Variants in SIAH2 observed in about 807,000 individuals in gnomAD.
SIAH2 encodes the protein siah E3 ubiquitin protein ligase 2, also known as E3 ubiquitin-protein ligase SIAH2.
Under a neutral mutation model 20.4 loss-of-function variants are expected in SIAH2, and 4 were observed. The observed-to-expected ratio is 0.20, with a 90% CI of 0.10 to 0.45. The LOEUF (loss-of-function observed/expected upper bound fraction) is 0.45. SIAH2 is among the 20% of genes least tolerant of loss of function. The pLI, the probability that SIAH2 is intolerant of heterozygous loss-of-function variation, is 0.99. For synonymous variants in SIAH2, 171 were observed against 192.5 expected (o/e 0.89, Z 0.93); for missense variants, 259 against 440.3 (o/e 0.59, Z 3.69).
Position 150,742,716 on chromosome 3 carries a change from C to T in SIAH2, c.418-18G>A. ...GTGGCATACTGCAAAGAAAGAAATG[C>T]ATTGAGCCATTGGGCCTTCTCAAAA... On this transcript the variant is annotated intron_variant, in intron 1 of 1. Coordinates refer to ENST00000312960, the MANE Select transcript of SIAH2 (RefSeq NM_005067.7). This position sits in a 1 kb window ranked among gnomAD's most constrained non-coding sequence, Gnocchi z 4.8. 1 of 1,518,074 alleles carries T rather than the reference C, an allele frequency of 6.6e-7. No individual in the cohort carries two copies. The highest frequency in any genetic ancestry group is 8.8e-7 in the Non-Finnish European group (1 of 1,133,562). 94.0% of individuals were successfully genotyped at this position (1,518,074 alleles called of 1,614,324 possible).
At chr3:150,752,701 GTTAT>G (rs1322219908) in intron 1 of SIAH2, among the ~76,000 whole-genome samples, 1 of 152,176 alleles carries the variant, frequency 6.6e-6, no homozygotes, top group Non-Finnish European at 1.5e-5. Context: ...GGCCCCGCAA[GTTAT>G]TTGTTGTTTA....
In SIAH2 at chr3:150,741,171, AAAAC is replaced by A. The variant is rs1714078268; in HGVS notation, c.*966_*969del. The A allele has an allele frequency of 6.6e-6, 1 of 152,666 alleles. No homozygotes were observed. Among genetic ancestry groups the A allele is most frequent in the Non-Finnish European group, 1.5e-5 (1 of 68,044 alleles). The allele number at this position is 152,666 out of a possible 1,614,324, so 9.5% of individuals were successfully genotyped here. Reference sequence around the variant, plus strand: ...TTAAAAAACTAGTGAATGTGGCAGAAAAACAAAACCAACACACAGCTTTAAATAG... The same window carrying A: ...TTAAAAAACTAGTGAATGTGGCAGAAAAAACCAACACACAGCTTTAAATAG... On this transcript the variant is annotated 3_prime_UTR_variant, in exon 2 of 2. Coordinates refer to ENST00000312960, the MANE Select transcript of SIAH2 (RefSeq NM_005067.7).
At chr3:150,761,201 G>A (rs1050204024) in intron 1 of SIAH2, among the ~76,000 whole-genome samples, 3 of 152,170 alleles carry the variant, frequency 2.0e-5, no homozygotes, top group South Asian at 2.1e-4. Context: ...AAGAGGCAGC[G>A]CAAGTTACTT....
At chr3:150,751,415 C>A (rs542447015) in intron 1 of SIAH2, among the ~76,000 whole-genome samples, 30 of 146,646 alleles carry the variant, frequency 2.0e-4, no homozygotes, top group African/African-American at 7.9e-4. Flanking sequence ...CAGAGAGAGA[C>A]TCTGTCTCTT....
chr3:150,751,444 A>C lies in SIAH2; in HGVS notation c.418-8746T>G, dbSNP rs1026352978. ...GTCTCTTAAGAAAAAAAAAAGAGAG[A>C]GATATCATCAACCAATAGTGCAGTA... On this transcript the variant is annotated intron_variant, in intron 1 of 1. Coordinates refer to ENST00000312960, the MANE Select transcript of SIAH2 (RefSeq NM_005067.7). 2.0e-5 allele frequency among the ~76,000 whole-genome samples: 3 copies of C among 151,868 alleles called. 1 individual carries two copies. In the South Asian group the frequency reaches 6.2e-4, roughly 32 times the overall value.
chr3:150,748,054 C>A (rs1410258758), intron 1 of SIAH2, among the ~76,000 whole-genome samples: 1 of 151,568 alleles, frequency 6.6e-6, no homozygotes, highest in Non-Finnish European at 1.5e-5. Context: ...TTTCTAACTT[C>A]TCTTTACAAA....
chr3:150,742,679 G>T lies in SIAH2; in HGVS notation c.437C>A (p.Ser146Tyr). Reference protein sequence around the residue: ...FPCKYATTGCSLTLHHTEKPE... With the variant: ...FPCKYATTGCYLTLHHTEKPE... ...TTTCTCCGTATGGTGCAGGGTCAGG[G>T]AACAGCCCGTGGTGGCATACTGCAA... The change falls in exon 2 of 2, where the codon TCC (serine) becomes TAC (tyrosine). Residue 146 changes from serine to tyrosine, a missense_variant. Physicochemically the swap from Ser to Tyr is moderately radical, Grantham distance 144. Around this residue, in one of 2 missense-constraint regions of SIAH2, gnomAD observed 160 missense variants for 327.6 expected, o/e 0.49. Coordinates refer to ENST00000312960, the MANE Select transcript of SIAH2 (RefSeq NM_005067.7). This position sits in a 1 kb window ranked among gnomAD's most constrained non-coding sequence, Gnocchi z 4.8. 6.5e-7 allele frequency: 1 copy of T among 1,539,746 alleles called. No homozygotes were observed. The highest frequency in any genetic ancestry group is 8.8e-7 in the Non-Finnish European group (1 of 1,142,780).
chr3:150,759,945 T>C (rs1714568135), intron 1 of SIAH2, among the ~76,000 whole-genome samples: 1 of 152,120 alleles, frequency 6.6e-6, no homozygotes, highest in Admixed American at 6.5e-5. Flanking sequence ...CGTTGGTTTT[T>C]TTCACATGAG....
At chr3:150,745,654 C>T (rs1714196272) in intron 1 of SIAH2, among the ~76,000 whole-genome samples, 1 of 152,104 alleles carries the variant, frequency 6.6e-6, no homozygotes, top group Non-Finnish European at 1.5e-5. Context: ...TGCCACCACA[C>T]CCAGCTAATT....
intron 1 of SIAH2, among the ~76,000 whole-genome samples, chr3:150,751,789 C>T (rs1055920587): frequency 1.3e-5 from 2 of 152,122 alleles, no homozygotes; most frequent in African/African-American, 2.4e-5. Flanking sequence ...AAACTCCTAG[C>T]CTCACGTGAT....
intron 1 of SIAH2, among the ~76,000 whole-genome samples, chr3:150,754,458 C>G (rs993039260): frequency 1.3e-5 from 2 of 152,176 alleles, no homozygotes; most frequent in Non-Finnish European, 2.9e-5. Flanking sequence ...AAATCCACCC[C>G]CAAGATCCAA....
At chr3:150,743,165 C>T (rs188884522) in intron 1 of SIAH2, among the ~76,000 whole-genome samples, 5 of 152,322 alleles carry the variant, frequency 3.3e-5, no homozygotes, top group African/African-American at 1.2e-4. Flanking sequence ...TTCTGTCGTC[C>T]CCCTCCACTG....
In SIAH2 at chr3:150,742,709, A is replaced by C. The variant is rs778141081; in HGVS notation, c.418-11T>G. 4.6e-6 allele frequency: 7 copies of C among 1,521,508 alleles called. No individual in the cohort carries two copies. The Admixed American group carries it at 1.5e-4, about 33-fold the overall frequency. 94.3% of individuals were successfully genotyped at this position (1,521,508 alleles called of 1,614,324 possible). A position where few individuals can be genotyped will look rare whatever the true frequency, so the allele number is the denominator to read the frequency against. On this transcript the variant is annotated splice_polypyrimidine_tract_variant and intron_variant, in intron 1 of 1. Coordinates refer to ENST00000312960, the MANE Select transcript of SIAH2 (RefSeq NM_005067.7). This position sits in a 1 kb window ranked among gnomAD's most constrained non-coding sequence, Gnocchi z 4.8. ...GCCCGTGGTGGCATACTGCAAAGAAAGAAATGCATTGAGCCATTGGGCCTT... is the reference window on the plus strand; with the variant it reads ...GCCCGTGGTGGCATACTGCAAAGAACGAAATGCATTGAGCCATTGGGCCTT...
intron 1 of SIAH2, among the ~76,000 whole-genome samples, chr3:150,756,836 GTTCACTCTGTGCTTTTA>G: frequency 6.6e-6 from 1 of 152,338 alleles, no homozygotes; most frequent in East Asian, 1.9e-4. Flanking sequence ...GTCCTTGCCA[GTTCACTCTGTGCTTTTA>G]TGGGCCAACC....
At chr3:150,758,492 C>T (rs1347148889) in intron 1 of SIAH2, among the ~76,000 whole-genome samples, 3 of 151,578 alleles carry the variant, frequency 2.0e-5, no homozygotes, top group Non-Finnish European at 4.4e-5. Flanking sequence ...GTCAAAAGTT[C>T]TCAGGCATGG....
chr3:150,762,086 C>CCA lies in SIAH2; in HGVS notation c.417+346_417+347insTG. On this transcript the variant is annotated intron_variant, in intron 1 of 1. Coordinates refer to ENST00000312960, the MANE Select transcript of SIAH2 (RefSeq NM_005067.7). This position sits in a 1 kb window ranked among gnomAD's most constrained non-coding sequence, Gnocchi z 6.6. ...CCTCCCTCCTCAATCCCCACACAGT[C>CCA]AGTTTCTCGGTCCAAGTTTTACTGG... 2 of 294,034 alleles carry CCA rather than the reference C, an allele frequency of 6.8e-6. No individual in the cohort carries two copies. Among genetic ancestry groups the CCA allele is most frequent in the Non-Finnish European group, 1.3e-5 (2 of 154,606 alleles). 18.2% of individuals were successfully genotyped at this position (294,034 alleles called of 1,614,324 possible).
Position 150,742,323 on chromosome 3 carries a change from G to A in SIAH2, c.793C>T (p.Leu265=). 6.2e-7 allele frequency: 1 copy of A among 1,614,186 alleles called. No individual in the cohort carries two copies. The highest frequency in any genetic ancestry group is 8.5e-7 in the Non-Finnish European group (1 of 1,180,036). ...CTCCGCCGGTTCCCATTCAACTCCA[G>A]TCTGTAGGCAAAGTTCTCGGCTTGC... is the stretch of plus-strand genomic sequence containing the variant. ...RKQAENFAYR[L]ELNGNRRRLT... is the part of the protein sequence containing the mutation. Residue 265 remains leucine, a synonymous_variant, in exon 2 of 2, where the codon CTG becomes TTG. Coordinates refer to ENST00000312960, the MANE Select transcript of SIAH2 (RefSeq NM_005067.7). This position sits in a 1 kb window ranked among gnomAD's most constrained non-coding sequence, Gnocchi z 4.8.
chr3:150,752,681 A>C (rs1245014480), intron 1 of SIAH2, among the ~76,000 whole-genome samples: 1 of 152,196 alleles, frequency 6.6e-6, no homozygotes, highest in East Asian at 1.9e-4. Flanking sequence ...TATACTTATT[A>C]TTCTTCTCCG....
chr3:150,762,944 G>T lies in SIAH2; in HGVS notation c.-95C>A. ...GCGCCCCGCGGGCAGCGAGCTCCGA[G>T]GCAACGCCACGGCGCCCAGCCCAGG... On this transcript the variant is annotated 5_prime_UTR_variant, in exon 1 of 2. Transcript: ENST00000312960. The surrounding 1 kb of genome is among the most constrained non-coding windows in gnomAD (Gnocchi z 6.6). 9.0e-7 allele frequency: 1 copy of T among 1,105,324 alleles called. No homozygotes were observed. The allele number at this position is 1,105,324 out of a possible 1,614,324, so 68.5% of individuals were successfully genotyped here. A position where few individuals can be genotyped will look rare whatever the true frequency, so the allele number is the denominator to read the frequency against.
Sources: allele counts gnomAD v4.1 joint callset (sites outside exome capture counted in the v4.1 genomes callset), GRCh38; gene constraint gnomAD v4.1.1; regional missense constraint gnomAD v4.1.1; non-coding constraint Gnocchi (gnomAD v3.1); transcripts MANE v1.5; gene names NCBI Gene and HGNC (gene_info 2026-07-23, HGNC 2026-07-21).